Variants in ARHGAP44 observed in about 807,000 individuals in gnomAD.
ARHGAP44 encodes the protein Rho GTPase activating protein 44.
Under a neutral mutation model 106.8 loss-of-function variants are expected in ARHGAP44, and 43 were observed. The observed-to-expected ratio is 0.40, with a 90% confidence interval of 0.32 to 0.52. The LOEUF (loss-of-function observed/expected upper bound fraction) is 0.52, where lower values mean the gene tolerates loss of function less well. Ranked by LOEUF, ARHGAP44 falls within the 20% of genes least tolerant of loss-of-function variation. ARHGAP44 has a pLI of 0.48. For missense variants in ARHGAP44, 866 were observed against 1,050.5 expected (o/e 0.82, Z 2.43); for synonymous variants, 439 against 410.3 (o/e 1.07, Z -0.85).
At chr17:12,890,882 A>T (rs1442129841) in intron 1 of ARHGAP44, among the ~76,000 whole-genome samples, 1 of 152,178 alleles carries the variant, frequency 6.6e-6, no homozygotes, top group Admixed American at 6.5e-5. Flanking sequence ...TCCACCATGT[A>T]TCCTAGTTCA....
Position 12,814,008 on chromosome 17 carries a change from C to T in ARHGAP44, c.53+24117C>T, listed in dbSNP as rs114729022. On this transcript the variant is annotated intron_variant, in intron 1 of 20. Transcript: ENST00000379672. ...AGAAGGGCAATCTCTTCCTTTCCTT[C>T]GGGGTTATCGATTATGTTTTATCTT... 9.2e-4 allele frequency among the ~76,000 whole-genome samples: 140 copies of T among 152,244 alleles called. 1 individual carries two copies. Among genetic ancestry groups the T allele is most frequent in the African/African-American group, 1.6e-3 (65 of 41,548 alleles).
chr17:12,798,679 A>G (rs961207016), intron 1 of ARHGAP44, among the ~76,000 whole-genome samples: 5 of 151,642 alleles, frequency 3.3e-5, no homozygotes, highest in East Asian at 3.9e-4. Context: ...TTGGCATTCA[A>G]CATTCATAAA....
At chr17:12,812,517 A>G (rs1228885496) in intron 1 of ARHGAP44, among the ~76,000 whole-genome samples, 2 of 152,258 alleles carry the variant, frequency 1.3e-5, no homozygotes, top group Non-Finnish European at 2.9e-5. Context: ...TGAGACATCT[A>G]TAGATGAATT....
At chr17:12,941,017 T>C in intron 7 of ARHGAP44, 39 bp from the exon 8 acceptor site, 14 of 1,593,556 alleles carry the variant, frequency 8.8e-6, no homozygotes, top group Non-Finnish European at 1.2e-5. Context: ...TCTCCATTGG[T>C]TTATGTTTTA....
At chr17:12,849,026 C>T (rs961935376) in intron 1 of ARHGAP44, among the ~76,000 whole-genome samples, 1 of 137,580 alleles carries the variant, frequency 7.3e-6, no homozygotes, top group African/African-American at 2.8e-5. Flanking sequence ...CCAGCCTGGG[C>T]AACAAGAGCA....
chr17:12,844,094 A>G (rs986079981), intron 1 of ARHGAP44, among the ~76,000 whole-genome samples: 1 of 152,158 alleles, frequency 6.6e-6, no homozygotes, highest in Non-Finnish European at 1.5e-5. Flanking sequence ...GTGCATGCAT[A>G]GTTCAGGAGT....
intron 16 of ARHGAP44, among the ~76,000 whole-genome samples, chr17:12,967,021 TTTTTTTTCTCC>T (rs2039407040): frequency 6.6e-6 from 1 of 151,674 alleles, no homozygotes; most frequent in African/African-American, 2.4e-5. Context: ...ATATTTTGGC[TTTTTTTTCTCC>T]TTTTTTCTCC....
At chr17:12,987,362 T>G in intron 20 of ARHGAP44, 1 of 470,368 alleles carries the variant, frequency 2.1e-6, no homozygotes, top group Non-Finnish European at 3.8e-6. Context: ...TTCTTTTCAT[T>G]AGGAGGAGCT....
At position 12,990,591 on chromosome 17, in the gene ARHGAP44, G is replaced by C. The variant is rs140715519; in HGVS notation, c.*420G>C. On this transcript the variant is annotated 3_prime_UTR_variant, in exon 21 of 21. Coordinates refer to ENST00000379672, the MANE Select transcript of ARHGAP44 (RefSeq NM_014859.6). ...TGGACGGCTCATGTCAGGTCTTGCA[G>C]GATCAGTTTAATGGCCACAGAAAGG... 4 of 168,444 alleles carry C rather than the reference G, an allele frequency of 2.4e-5. No homozygotes were observed. The East Asian group carries it at 6.0e-4, about 25-fold the overall frequency. 10.4% of individuals were successfully genotyped at this position (168,444 alleles called of 1,614,324 possible).
intron 1 of ARHGAP44, among the ~76,000 whole-genome samples, chr17:12,817,794 C>T (rs112219412): frequency 0.023 from 3,490 of 151,930 alleles, 122 homozygotes; most frequent in African/African-American, 0.078. Flanking sequence ...CCTTGAAAAC[C>T]GCAAATTACT....
intron 1 of ARHGAP44, among the ~76,000 whole-genome samples, chr17:12,805,113 G>C (rs148011306): frequency 3.9e-5 from 6 of 152,308 alleles, no homozygotes; most frequent in African/African-American, 1.2e-4. Context: ...TGGCTGTAGT[G>C]GGGGGTTGGA....
chr17:12,837,378 CCCATA>C (rs2035266079), intron 1 of ARHGAP44, among the ~76,000 whole-genome samples: 1 of 152,020 alleles, frequency 6.6e-6, no homozygotes, highest in African/African-American at 2.4e-5. Flanking sequence ...TCTTATGTAA[CCCATA>C]AGTATATGCA....
At chr17:12,839,431 A>C (rs2035331282) in intron 1 of ARHGAP44, among the ~76,000 whole-genome samples, 1 of 152,236 alleles carries the variant, frequency 6.6e-6, no homozygotes, top group African/African-American at 2.4e-5. Flanking sequence ...TTTGTTTAAA[A>C]TGATCTCTTC....
intron 6 of ARHGAP44, 128 bp downstream of exon 6, chr17:12,919,959 G>A: frequency 1.5e-6 from 1 of 685,908 alleles, no homozygotes; most frequent in South Asian, 1.9e-5. Flanking sequence ...CGTGTACCAG[G>A]CACTGGAGGT....
intron 1 of ARHGAP44, among the ~76,000 whole-genome samples, chr17:12,817,207 A>C (rs185411504): frequency 3.9e-5 from 6 of 152,120 alleles, no homozygotes; most frequent in Admixed American, 3.3e-4. Context: ...AAAAGTATTT[A>C]GAACTGAATG....
intron 1 of ARHGAP44, among the ~76,000 whole-genome samples, chr17:12,842,810 T>C (rs2035454790): frequency 6.6e-6 from 1 of 152,158 alleles, no homozygotes; most frequent in Non-Finnish European, 1.5e-5. Context: ...AATTAATGTG[T>C]ATTAAACTGT....
chr17:12,888,428 T>C (rs537424919), intron 1 of ARHGAP44, among the ~76,000 whole-genome samples: 64 of 152,338 alleles, frequency 4.2e-4, no homozygotes, highest in African/African-American at 1.3e-3. Context: ...TCTCATTTGA[T>C]TCCATTGTGG....
At chr17:12,812,050 A>G (rs1344977677) in intron 1 of ARHGAP44, among the ~76,000 whole-genome samples, 1 of 152,086 alleles carries the variant, frequency 6.6e-6, no homozygotes, top group African/African-American at 2.4e-5. Context: ...CGAAGCACAC[A>G]TTTCTCATTC....
chr17:12,863,608 A>G lies in ARHGAP44; in HGVS notation c.54-31332A>G, dbSNP rs190397941. On this transcript the variant is annotated intron_variant, in intron 1 of 20. Coordinates refer to ENST00000379672, the MANE Select transcript of ARHGAP44 (RefSeq NM_014859.6). ...AAGGAGAGACCTGGAGACAATACTA[A>G]ATTCTTGAGCAATATGAAAATTCTG... Among the ~76,000 whole-genome samples the G allele has an allele frequency of 1.3e-3, 197 of 152,282 alleles. 1 individual carries two copies. Among genetic ancestry groups the G allele is most frequent in the African/African-American group, 4.5e-3 (189 of 41,564 alleles).
Sources: gnomAD v4.1 joint callset for allele counts (sites outside exome capture counted in the v4.1 genomes callset) on GRCh38, gnomAD v4.1.1 for gene constraint, MANE v1.5 for transcripts, NCBI Gene and HGNC (gene_info 2026-07-23, HGNC 2026-07-21) for gene names.